The following TIAM1 variants were observed in gnomAD, a reference collection of about 807,000 sequenced individuals.
TIAM1 encodes TIAM Rac1 associated GEF 1, also known as rho guanine nucleotide exchange factor TIAM1.
TIAM1 carries 65 observed loss-of-function variants against 163.5 expected under a neutral mutation model. The ratio of observed to expected loss-of-function variants is 0.40; its 90% CI spans 0.33 to 0.49. The LOEUF (loss-of-function observed/expected upper bound fraction) is 0.49, where lower values mean the gene tolerates loss of function less well. TIAM1 is among the 20% of genes least tolerant of loss of function. TIAM1 has a pLI of 0.77. For synonymous variants in TIAM1, 833 were observed against 810.1 expected, an observed-to-expected ratio of 1.03 and a Z score of -0.48; for missense variants, 1,789 against 2,044.7, an observed-to-expected ratio of 0.87 and a Z score of 2.41.
In TIAM1 at chr21:31,310,688, C is replaced by T. The variant is rs77763058; in HGVS notation, c.-189+28555G>A. On this transcript the variant is annotated intron_variant, in intron 2 of 27. Coordinates refer to ENST00000541036, the MANE Select transcript of TIAM1 (RefSeq NM_001353694.2). Reference sequence around the variant, plus strand: ...AAGGTAACCACTCCCTGATGGAAAACGCTACCTACTGCATTTCCTTCTACT... The same window carrying T: ...AAGGTAACCACTCCCTGATGGAAAATGCTACCTACTGCATTTCCTTCTACT... Among the ~76,000 whole-genome samples the T allele has an allele frequency of 2.6e-3, 400 of 152,274 alleles. 1 individual carries two copies. Among genetic ancestry groups the T allele is most frequent in the African/African-American group, 9.0e-3 (376 of 41,558 alleles).
intron 23 of TIAM1, among the ~76,000 whole-genome samples, chr21:31,133,798 G>A (rs570823180): frequency 2.6e-5 from 4 of 152,288 alleles, no homozygotes; most frequent in Non-Finnish European, 2.9e-5. Flanking sequence ...GGTCGGGCGC[G>A]GTGGCTCATA....
chr21:31,239,263 C>T (rs60756145), intron 6 of TIAM1, among the ~76,000 whole-genome samples: 2,001 of 152,192 alleles, frequency 0.013, 50 homozygotes, highest in African/African-American at 0.045. Flanking sequence ...GCTGGGACTA[C>T]AGGTACATGC....
At chr21:31,402,808 C>G (rs773696065) in intron 2 of TIAM1, among the ~76,000 whole-genome samples, 1 of 151,984 alleles carries the variant, frequency 6.6e-6, no homozygotes, top group Non-Finnish European at 1.5e-5. Context: ...AAAAATTAGC[C>G]GGGCGTGGTA....
chr21:31,288,254 C>T (rs1378579558), intron 2 of TIAM1, among the ~76,000 whole-genome samples: 1 of 151,964 alleles, frequency 6.6e-6, no homozygotes, highest in East Asian at 1.9e-4. Context: ...CAAAAACAAA[C>T]AAACAAAAAA....
In TIAM1 at chr21:31,118,784, TA is replaced by T. The variant is rs2081896742; in HGVS notation, c.*1583del. On this transcript the variant is annotated 3_prime_UTR_variant, in exon 28 of 28. Coordinates refer to ENST00000541036, the MANE Select transcript of TIAM1 (RefSeq NM_001353694.2). ...AAGATATAGCAAAAATTTAATAGAA[TA>T]AAACTTTCAAAAGATCAAGCTCGAA... 6 of 372,960 alleles carry T rather than the reference TA, an allele frequency of 1.6e-5. No homozygotes were observed. The highest frequency in any genetic ancestry group is 1.1e-4 in the South Asian group (5 of 46,992). 23.1% of individuals were successfully genotyped at this position (372,960 alleles called of 1,614,324 possible). A position where few individuals can be genotyped will look rare whatever the true frequency, so the allele number is the denominator to read the frequency against.
intron 1 of TIAM1, among the ~76,000 whole-genome samples, chr21:31,546,022 A>G (rs963165454): frequency 1.3e-5 from 2 of 152,130 alleles, no homozygotes; most frequent in Non-Finnish European, 2.9e-5. Context: ...CATACAGAAG[A>G]AAATAAGTTG....
At chr21:31,353,785 T>C (rs1291094806) in intron 2 of TIAM1, among the ~76,000 whole-genome samples, 1 of 151,712 alleles carries the variant, frequency 6.6e-6, no homozygotes, top group African/African-American at 2.4e-5. Context: ...ATTAACAACC[T>C]TGACATCCTT....
intron 1 of TIAM1, among the ~76,000 whole-genome samples, chr21:31,541,962 T>C (rs549128598): frequency 1.1e-4 from 17 of 152,332 alleles, no homozygotes; most frequent in South Asian, 4.1e-4. Flanking sequence ...CCTGAATCCT[T>C]ATCAGATCTC....
intron 17 of TIAM1, among the ~76,000 whole-genome samples, chr21:31,153,519 G>T (rs569022726): frequency 6.6e-6 from 1 of 152,160 alleles, no homozygotes; most frequent in Non-Finnish European, 1.5e-5. Context: ...TGATTTAAAA[G>T]ACTAAGATAT....
intron 1 of TIAM1, among the ~76,000 whole-genome samples, chr21:31,502,689 G>C (rs1475601985): frequency 6.6e-6 from 1 of 152,208 alleles, no homozygotes; most frequent in Non-Finnish European, 1.5e-5. Context: ...CATCCGTCTT[G>C]AGTTTCCTGG....
At chr21:31,299,169 A>T (rs1403603218) in intron 2 of TIAM1, among the ~76,000 whole-genome samples, 1 of 152,238 alleles carries the variant, frequency 6.6e-6, no homozygotes, top group East Asian at 1.9e-4. Flanking sequence ...ACAAAGCAAC[A>T]ATTTGTTCAA....
At chr21:31,205,798 T>C (rs1163022429) in intron 11 of TIAM1, among the ~76,000 whole-genome samples, 2 of 152,022 alleles carry the variant, frequency 1.3e-5, no homozygotes, top group Admixed American at 1.3e-4. Flanking sequence ...ACCCTGTCTG[T>C]ATCAAAAATA....
intron 2 of TIAM1, among the ~76,000 whole-genome samples, chr21:31,399,035 A>G (rs2077121222): frequency 6.6e-6 from 1 of 152,130 alleles, no homozygotes; most frequent in Non-Finnish European, 1.5e-5. Context: ...ATAAATAGAT[A>G]AATAAAATAA....
At chr21:31,127,638 G>A (rs1355076535) in intron 25 of TIAM1, among the ~76,000 whole-genome samples, 2 of 151,978 alleles carry the variant, frequency 1.3e-5, no homozygotes, top group African/African-American at 4.8e-5. Flanking sequence ...GGCTGGTCTC[G>A]AACTCCTGAT....
intron 2 of TIAM1, among the ~76,000 whole-genome samples, chr21:31,327,048 G>T (rs2075511957): frequency 6.6e-6 from 1 of 152,202 alleles, no homozygotes; most frequent in Non-Finnish European, 1.5e-5. Context: ...GAAGGAAGCA[G>T]ATATGACAAA....
intron 15 of TIAM1, among the ~76,000 whole-genome samples, chr21:31,168,148 A>G (rs1036313302): frequency 1.6e-3 from 236 of 149,406 alleles, no homozygotes; most frequent in African/African-American, 5.4e-3. Context: ...GCTGGAGTGC[A>G]GTGGTGTGAT....
At chr21:31,128,055 G>A (rs746471315) in intron 25 of TIAM1, among the ~76,000 whole-genome samples, 2 of 152,194 alleles carry the variant, frequency 1.3e-5, no homozygotes, top group African/African-American at 2.4e-5. Flanking sequence ...AGTACTTTAA[G>A]TCATGAATAA....
chr21:31,177,328 C>G (rs1291068696), intron 15 of TIAM1, among the ~76,000 whole-genome samples: 1 of 152,106 alleles, frequency 6.6e-6, no homozygotes, highest in African/African-American at 2.4e-5. Flanking sequence ...GATTTCTGGC[C>G]AGGCATGGTG....
At chr21:31,476,932 T>C (rs2045951815) in intron 1 of TIAM1, among the ~76,000 whole-genome samples, 1 of 152,180 alleles carries the variant, frequency 6.6e-6, no homozygotes, top group Admixed American at 6.5e-5. Context: ...CCAGTTTTGC[T>C]CTAGATACTT....
Sources: allele counts gnomAD v4.1 joint callset (sites outside exome capture counted in the v4.1 genomes callset), GRCh38; gene constraint gnomAD v4.1.1; transcripts MANE v1.5; gene names NCBI Gene and HGNC (gene_info 2026-07-23, HGNC 2026-07-21).